The following HACD2 variants were observed in gnomAD, a reference collection of about 807,000 sequenced individuals.
The protein encoded by HACD2 is 3-hydroxyacyl-CoA dehydratase 2.
Under a neutral mutation model 31.0 loss-of-function variants are expected in HACD2, and 15 were observed. That is an observed-to-expected ratio of 0.48 (90% CI 0.32 to 0.75). The LOEUF (loss-of-function observed/expected upper bound fraction) is 0.75, where lower values mean the gene tolerates loss of function less well. HACD2 is among the 30% of genes least tolerant of loss of function. The pLI is 0.03. For missense variants in HACD2, 283 were observed against 313.0 expected, an observed-to-expected ratio of 0.90 and a Z score of 0.72; for synonymous variants, 115 against 122.2, an observed-to-expected ratio of 0.94 and a Z score of 0.39.
Position 123,500,498 on chromosome 3 carries a change from C to T in HACD2, c.682+17G>A, listed in dbSNP as rs776886786. 1.4e-5 allele frequency: 22 copies of T among 1,537,000 alleles called. No homozygotes were observed. The African/African-American group carries it at 3.0e-4, about 21-fold the overall frequency. ...ATTTTAAAACATAATTAAATATACG[C>T]ATAACTGTTTACTTACTTGGAATGT... On this transcript the variant is annotated intron_variant, in intron 6 of 6. Transcript: ENST00000383657.
chr3:123,579,283 C>T (rs985814513), intron 2 of HACD2, among the ~76,000 whole-genome samples: 1 of 151,682 alleles, frequency 6.6e-6, no homozygotes, highest in African/African-American at 2.4e-5. Flanking sequence ...AAAAATTATA[C>T]TTCTAACATT....
At chr3:123,535,320 A>G (rs1445869456) in intron 3 of HACD2, among the ~76,000 whole-genome samples, 1 of 152,230 alleles carries the variant, frequency 6.6e-6, no homozygotes, top group East Asian at 1.9e-4. Context: ...AAGCTAGACC[A>G]TATGGCCTAG....
chr3:123,530,929 G>A (rs146571245), intron 3 of HACD2, among the ~76,000 whole-genome samples: 313 of 151,730 alleles, frequency 2.1e-3, no homozygotes, highest in Non-Finnish European at 3.6e-3. Context: ...GTGCAATGGC[G>A]CAATTTCGGC....
chr3:123,575,900 C>T lies in HACD2; in HGVS notation c.273+6312G>A, dbSNP rs188811342. On this transcript the variant is annotated intron_variant, in intron 2 of 6. Coordinates refer to ENST00000383657, the MANE Select transcript of HACD2 (RefSeq NM_198402.5). ...ACTCTCACTAACCATAGTGAGGTGG[C>T]CTTTCAGTTCAGCAAAGTTTTCTAT... Among the ~76,000 whole-genome samples the T allele has an allele frequency of 1.8e-4, 27 of 152,222 alleles. No homozygotes were observed. The East Asian group carries it at 5.0e-3, about 28-fold the overall frequency.
At chr3:123,549,255 A>C (rs1275705622) in intron 3 of HACD2, among the ~76,000 whole-genome samples, 1 of 152,108 alleles carries the variant, frequency 6.6e-6, no homozygotes, top group Non-Finnish European at 1.5e-5. Context: ...TCAAGGTGCT[A>C]ATCTGCCATT....
intron 4 of HACD2, among the ~76,000 whole-genome samples, chr3:123,518,340 G>C (rs1195099879): frequency 6.6e-6 from 1 of 152,186 alleles, no homozygotes; most frequent in East Asian, 1.9e-4. Flanking sequence ...TAGCTGAGCT[G>C]CACACTGACT....
intron 3 of HACD2, among the ~76,000 whole-genome samples, chr3:123,550,305 T>G (rs1313171685): frequency 6.6e-6 from 1 of 151,700 alleles, no homozygotes; most frequent in Non-Finnish European, 1.5e-5. Flanking sequence ...CAGTGAGGAC[T>G]GAAGAGAATG....
Position 123,494,726 on chromosome 3 carries a change from T to C in HACD2, c.*162A>G, listed in dbSNP as rs763956213. 7.7e-6 allele frequency: 5 copies of C among 647,248 alleles called. No individual in the cohort carries two copies. Among genetic ancestry groups the C allele is most frequent in the South Asian group, 3.6e-5 (2 of 56,314 alleles). 40.1% of individuals were successfully genotyped at this position (647,248 alleles called of 1,614,324 possible). ...GTAACAACCTTTTTCTAAAATAAAA[T>C]CTCAGGCCCATGTGACACTGGATTT... On this transcript the variant is annotated 3_prime_UTR_variant, in exon 7 of 7. Transcript: ENST00000383657.
intron 6 of HACD2, chr3:123,499,651 G>A (rs1421113143): frequency 2.2e-6 from 1 of 456,028 alleles, no homozygotes; most frequent in East Asian, 6.9e-5. Flanking sequence ...CTGGGGTTTA[G>A]GGAAGAATAC....
At chr3:123,556,381 G>A (rs4234215) in intron 3 of HACD2, among the ~76,000 whole-genome samples, 5,701 of 150,422 alleles carry the variant, frequency 0.038, 693 homozygotes, top group East Asian at 0.35. Context: ...AGGCTGCAGC[G>A]AGCCATGACC....
chr3:123,511,808 C>G (rs9856208), intron 4 of HACD2, among the ~76,000 whole-genome samples: 5,224 of 152,242 alleles, frequency 0.034, 90 homozygotes, highest in Middle Eastern at 0.088. Context: ...GCCCTCCTAT[C>G]GGTTAGGGTA....
intron 2 of HACD2, among the ~76,000 whole-genome samples, chr3:123,569,459 T>A (rs2056829384): frequency 6.6e-6 from 1 of 152,174 alleles, no homozygotes; most frequent in South Asian, 2.1e-4. Flanking sequence ...CTCCTTGGAC[T>A]CAAGCGATCC....
chr3:123,516,344 C>T (rs1294362093), intron 4 of HACD2, among the ~76,000 whole-genome samples: 1 of 151,398 alleles, frequency 6.6e-6, no homozygotes, highest in Non-Finnish European at 1.5e-5. Context: ...ACGCCATTCT[C>T]CTGCCTCAGC....
chr3:123,557,671 A>C (rs1413061339), intron 3 of HACD2, among the ~76,000 whole-genome samples: 1 of 152,178 alleles, frequency 6.6e-6, no homozygotes, highest in Non-Finnish European at 1.5e-5. Flanking sequence ...CTCATCAAAG[A>C]GGACCTACAG....
chr3:123,550,091 T>C (rs2056602341), intron 3 of HACD2, among the ~76,000 whole-genome samples: 2 of 152,122 alleles, frequency 1.3e-5, no homozygotes, highest in Admixed American at 1.3e-4. Context: ...GGAGAATTAA[T>C]TGAGGCCAGG....
chr3:123,580,495 G>A (rs909126562), intron 2 of HACD2, among the ~76,000 whole-genome samples: 4 of 151,838 alleles, frequency 2.6e-5, no homozygotes, highest in African/African-American at 7.3e-5. Flanking sequence ...TAAATAAAGT[G>A]AGAGTGGGCT....
chr3:123,552,663 T>G (rs2056631829), intron 3 of HACD2, among the ~76,000 whole-genome samples: 1 of 152,014 alleles, frequency 6.6e-6, no homozygotes. Flanking sequence ...CAAACTGAAT[T>G]AAATATCCTT....
chr3:123,562,907 T>A (rs1451853300), intron 3 of HACD2, among the ~76,000 whole-genome samples: 4 of 152,220 alleles, frequency 2.6e-5, no homozygotes, highest in Non-Finnish European at 5.9e-5. Context: ...ACTTAAGTGA[T>A]CTAAGTAAAA....
intron 4 of HACD2, among the ~76,000 whole-genome samples, chr3:123,519,091 T>G (rs1396390200): frequency 1.3e-5 from 2 of 151,764 alleles, no homozygotes; most frequent in Non-Finnish European, 2.9e-5. Flanking sequence ...CTTTATGGTC[T>G]GAAGAAAACA....
Sources: allele counts gnomAD v4.1 joint callset (sites outside exome capture counted in the v4.1 genomes callset), GRCh38; gene constraint gnomAD v4.1.1; transcripts MANE v1.5; gene names NCBI Gene and HGNC (gene_info 2026-07-23, HGNC 2026-07-21).